EML5: variants seen among roughly 807,000 people sequenced by gnomAD.
EML5 encodes echinoderm microtubule-associated protein-like 5.
In EML5, 120 loss-of-function variants were observed where a neutral mutation model predicts 250.0. The observed-to-expected ratio is 0.48, with a 90% CI of 0.41 to 0.56. The LOEUF is 0.56. EML5 is among the 20% of genes least tolerant of loss of function. The pLI is 0.00. For synonymous variants in EML5, 771 were observed against 806.5 expected, an observed-to-expected ratio of 0.96 and a Z score of 0.75; for missense variants, 2,006 against 2,437.6, an observed-to-expected ratio of 0.82 and a Z score of 3.73.
intron 8 of EML5, among the ~76,000 whole-genome samples, chr14:88,718,549 T>C (rs1343574764): frequency 6.6e-6 from 1 of 152,154 alleles, no homozygotes; most frequent in Non-Finnish European, 1.5e-5. Flanking sequence ...CAAATACTGC[T>C]GGAAATTCAA....
At chr14:88,668,501 A>G (rs896733915) in intron 21 of EML5, among the ~76,000 whole-genome samples, 7 of 152,198 alleles carry the variant, frequency 4.6e-5, no homozygotes, top group Admixed American at 3.3e-4. Flanking sequence ...AGAACCAGGA[A>G]GTGATCAACA....
Position 88,705,540 on chromosome 14 carries a change from T to C in EML5, c.1874A>G (p.Asp625Gly). The stretch of plus-strand genomic sequence containing the variant: ...AATTTCAGAATCCAGTTCTGGAACA[T>C]CAGACAGATCTGAATCTGATTCATC... The part of the protein sequence containing the change: ...HSDESDSDLS[D>G]VPELDSEIEQ... The change falls in exon 12 of 44, where the codon GAT becomes GGT. Residue 625 changes from aspartate to glycine, a missense_variant. By Grantham distance (94) the Asp-to-Gly change is moderately conservative. Coordinates refer to ENST00000554922, the MANE Select transcript of EML5 (RefSeq NM_183387.3). 1 of 1,603,704 alleles carries C rather than the reference T, an allele frequency of 6.2e-7. No individual in the cohort carries two copies. Among genetic ancestry groups the C allele is most frequent in the Non-Finnish European group, 8.5e-7 (1 of 1,174,564 alleles).
At chr14:88,705,064 T>TAAAGCTGAAACAACTACATTAAA in intron 12 of EML5, 86 bp from the exon 13 acceptor site, 1 of 885,204 alleles carries the variant, frequency 1.1e-6, no homozygotes, top group Non-Finnish European at 1.7e-6. Context: ...TTTCAGACAT[T>TAAAGCTGAAACAACTACATTAAA]GTCTGAAAAC....
At chr14:88,759,909 T>C (rs1168319140) in intron 1 of EML5, among the ~76,000 whole-genome samples, 1 of 152,094 alleles carries the variant, frequency 6.6e-6, no homozygotes, top group Non-Finnish European at 1.5e-5. Context: ...TCCACATTCC[T>C]ACTAATATTT....
intron 1 of EML5, among the ~76,000 whole-genome samples, chr14:88,783,943 T>C (rs573128830): frequency 4.7e-4 from 71 of 152,296 alleles, no homozygotes; most frequent in Non-Finnish European, 4.3e-4. Context: ...TTGAAAAACA[T>C]TGAAATAATA....
intron 23 of EML5, among the ~76,000 whole-genome samples, chr14:88,664,268 C>A: frequency 7.7e-6 from 1 of 129,514 alleles, no homozygotes. Flanking sequence ...CAGAGTGAGA[C>A]CTGTCTCAAA....
At chr14:88,685,289 T>G in intron 19 of EML5, 147 bp from the exon 20 acceptor site, 1 of 570,892 alleles carries the variant, frequency 1.8e-6, no homozygotes, top group Non-Finnish European at 2.8e-6. Flanking sequence ...ATGTACTATA[T>G]TAACCTCAAT....
chr14:88,786,139 T>C (rs1437215735), intron 1 of EML5, among the ~76,000 whole-genome samples: 1 of 152,202 alleles, frequency 6.6e-6, no homozygotes, highest in Non-Finnish European at 1.5e-5. Flanking sequence ...ACACAGCACA[T>C]TACCTCACCT....
chr14:88,691,937 C>A (rs372384304), intron 17 of EML5, among the ~76,000 whole-genome samples: 1 of 152,184 alleles, frequency 6.6e-6, no homozygotes, highest in Admixed American at 6.5e-5. Context: ...ATTTTCACTG[C>A]AAGAATATTT....
chr14:88,693,765 T>C, intron 17 of EML5, among the ~76,000 whole-genome samples: 1 of 47,228 alleles, frequency 2.1e-5, no homozygotes, highest in African/African-American at 1.7e-4. Flanking sequence ...GTTAACATCT[T>C]TTTTTTTTTT....
intron 19 of EML5, among the ~76,000 whole-genome samples, chr14:88,686,479 A>C: frequency 6.6e-6 from 1 of 152,050 alleles, no homozygotes; most frequent in Admixed American, 6.5e-5. Context: ...GTCGGCGGAC[A>C]GGGAGTTGGG....
At chr14:88,778,397 A>C (rs2094466607) in intron 1 of EML5, among the ~76,000 whole-genome samples, 1 of 152,236 alleles carries the variant, frequency 6.6e-6, no homozygotes, top group Admixed American at 6.5e-5. Context: ...GACTTTTCTC[A>C]GAAGCCACTG....
chr14:88,662,571 CT>C (rs1396618169), intron 24 of EML5, among the ~76,000 whole-genome samples: 1 of 138,784 alleles, frequency 7.2e-6, no homozygotes, highest in Non-Finnish European at 1.5e-5. Flanking sequence ...AATACAGGGT[CT>C]CACTTTGTCA....
chr14:88,774,066 C>T (rs575120500), intron 1 of EML5, among the ~76,000 whole-genome samples: 3 of 152,116 alleles, frequency 2.0e-5, no homozygotes, highest in Non-Finnish European at 2.9e-5. Context: ...TGCAGAGAGC[C>T]GAGTTCATGC....
intron 37 of EML5, chr14:88,622,041 C>A (rs771121978): frequency 1.5e-5 from 5 of 333,144 alleles, no homozygotes; most frequent in Non-Finnish European, 2.5e-5. Flanking sequence ...CCCCCTCCCC[C>A]TTGTCCGCCT....
intron 30 of EML5, among the ~76,000 whole-genome samples, 198 bp downstream of exon 30, chr14:88,644,235 A>G (rs554797310): frequency 6.6e-6 from 1 of 152,340 alleles, no homozygotes; most frequent in South Asian, 2.1e-4. Context: ...ACAGAAAAGT[A>G]AAAGGAAGAC....
chr14:88,669,970 G>A (rs371361438), intron 21 of EML5, among the ~76,000 whole-genome samples: 77 of 152,188 alleles, frequency 5.1e-4, no homozygotes, highest in African/African-American at 1.7e-3. Flanking sequence ...AGAAGGTCTG[G>A]AGTGGACCTC....
chr14:88,709,568 G>T (rs566072780), intron 10 of EML5, among the ~76,000 whole-genome samples: 3 of 152,194 alleles, frequency 2.0e-5, no homozygotes, highest in African/African-American at 7.2e-5. Context: ...ACACCAACTG[G>T]GTTTGCAAAA....
At position 88,704,937 on chromosome 14, in the gene EML5, T is replaced by A. The variant is rs755118069; in HGVS notation, c.1974A>T (p.Lys658Asn). The A allele has an allele frequency of 5.0e-5, 80 of 1,613,020 alleles. No homozygotes were observed. The highest frequency in any genetic ancestry group is 6.7e-5 in the Non-Finnish European group (79 of 1,179,470). ...EDLPQLKEQC[K>N]EKQKSATSKR... ...TAGAAGTAGCACTTTTTTGTTTCTCTTTGCACTGTTCTTTAAGCTGAGGTA... is the reference window on the plus strand; with the variant it reads ...TAGAAGTAGCACTTTTTTGTTTCTCATTGCACTGTTCTTTAAGCTGAGGTA... The change falls in exon 13 of 44, where the codon AAA becomes AAT. Residue 658 changes from lysine (K) to asparagine (N), a missense_variant. Physicochemically the swap from Lys to Asn is moderately conservative, Grantham distance 94. Around this residue, in one of 7 missense-constraint regions of EML5, gnomAD observed 1,375 missense variants for 1,590.3 expected, o/e 0.86. Transcript: ENST00000554922.
Sources: allele counts gnomAD v4.1 joint callset (sites outside exome capture counted in the v4.1 genomes callset), GRCh38; gene constraint gnomAD v4.1.1; regional missense constraint gnomAD v4.1.1; transcripts MANE v1.5; gene names NCBI Gene and HGNC (gene_info 2026-07-23, HGNC 2026-07-21).